Variants in SOX6 observed in about 807,000 individuals in gnomAD.
The protein encoded by SOX6 is transcription factor SOX-6.
In SOX6, 11 loss-of-function variants were observed where a neutral mutation model predicts 97.8. The observed-to-expected ratio is 0.11, with a 90% CI of 0.07 to 0.19. The LOEUF is 0.19. Ranked by LOEUF, SOX6 falls within the 10% of genes least tolerant of loss-of-function variation. The probability of loss-of-function intolerance (pLI) is 1.00; values close to 1 mark genes in which losing one functional copy is unlikely to be tolerated. For synonymous variants in SOX6, 360 were observed against 371.4 expected (o/e 0.97, Z 0.35); for missense variants, 810 against 1,039.5 (o/e 0.78, Z 3.04).
intron 9 of SOX6, among the ~76,000 whole-genome samples, chr11:16,086,387 C>T (rs539586832): frequency 2.0e-5 from 3 of 152,288 alleles, no homozygotes; most frequent in South Asian, 4.1e-4. Context: ...GTGCACTAAT[C>T]GCTTAAAGAG....
rs150253161 is a variant in SOX6, at chr11:16,404,518, T to A, written c.-4-63266A>T. On this transcript the variant is annotated intron_variant, in intron 1 of 15. Coordinates refer to the SOX6 transcript ENST00000396356. ...ACATGTTATCAATAGAAAGCCATTT[T>A]TTAAAAAAGCAAAACTAAACTAAAA... Among the ~76,000 whole-genome samples, 267 of 151,990 alleles carry A rather than the reference T, an allele frequency of 1.8e-3. 1 individual carries two copies. The highest frequency in any genetic ancestry group is 4.8e-3 in the African/African-American group (200 of 41,496).
chr11:15,984,318 G>A (rs1426246347), intron 15 of SOX6, among the ~76,000 whole-genome samples: 1 of 152,112 alleles, frequency 6.6e-6, no homozygotes, highest in Non-Finnish European at 1.5e-5. Context: ...TTTCAAATAA[G>A]TATTACACCA....
intron 2 of SOX6, among the ~76,000 whole-genome samples, chr11:16,325,418 T>A (rs2134314458): frequency 6.6e-6 from 1 of 152,260 alleles, no homozygotes; most frequent in Non-Finnish European, 1.5e-5. Context: ...TTCATTTCCT[T>A]TTTTGCTTAT....
At chr11:16,306,092 A>C (rs1855424252) in intron 3 of SOX6, among the ~76,000 whole-genome samples, 1 of 152,222 alleles carries the variant, frequency 6.6e-6, no homozygotes, top group African/African-American at 2.4e-5. Flanking sequence ...ACACACCCCC[A>C]CACACAACTG....
chr11:16,331,082 C>T (rs1460689266), intron 2 of SOX6, among the ~76,000 whole-genome samples: 1 of 152,180 alleles, frequency 6.6e-6, no homozygotes, highest in African/African-American at 2.4e-5. Context: ...TAGAGCTCCT[C>T]TTAAGAGGTA....
At chr11:16,675,979 C>T (rs987111738) in intron 3 of SOX6, among the ~76,000 whole-genome samples, 5 of 152,116 alleles carry the variant, frequency 3.3e-5, no homozygotes, top group Admixed American at 6.5e-5. Flanking sequence ...TGTCAAATTT[C>T]GAAAGTTTTA....
intron 6 of SOX6, among the ~76,000 whole-genome samples, chr11:16,170,134 A>C (rs1850995942): frequency 6.6e-6 from 1 of 152,070 alleles, no homozygotes; most frequent in African/African-American, 2.4e-5. Context: ...TTAAGCCCTC[A>C]TTTAACAGAG....
rs1853174104 is a variant in SOX6, at chr11:15,967,569, C to T, written c.*5240G>A. On this transcript the variant is annotated 3_prime_UTR_variant, in exon 16 of 16. Transcript: ENST00000683767. ...ATACAATAATGAATGAACATAAATG[C>T]TAAGCATTCTAATTTGCTACAAGCT... 1 of 152,088 alleles carries T rather than the reference C, an allele frequency of 6.6e-6. No homozygotes were observed. Among genetic ancestry groups the T allele is most frequent in the African/African-American group, 2.4e-5 (1 of 41,422 alleles). 9.4% of individuals were successfully genotyped at this position (152,088 alleles called of 1,614,324 possible). A position where few individuals can be genotyped will look rare whatever the true frequency, so the allele number is the denominator to read the frequency against.
intron 15 of SOX6, 131 bp from the exon 16 acceptor site, chr11:15,973,243 A>C: frequency 1.1e-6 from 1 of 903,828 alleles, no homozygotes; most frequent in Non-Finnish European, 1.7e-6. Flanking sequence ...ATTCTAAGCA[A>C]ATAAAATGTG....
At chr11:16,382,787 G>A (rs995950565) in intron 1 of SOX6, among the ~76,000 whole-genome samples, 3 of 151,912 alleles carry the variant, frequency 2.0e-5, no homozygotes, top group Non-Finnish European at 2.9e-5. Context: ...AGAGTTCAAT[G>A]TGGAATCATT....
intron 3 of SOX6, among the ~76,000 whole-genome samples, chr11:16,620,075 T>TAA (rs1848523020): frequency 6.6e-6 from 1 of 152,146 alleles, no homozygotes. Flanking sequence ...CAACATTTAG[T>TAA]CCTTGATATT....
chr11:16,387,306 T>C (rs969544383), intron 1 of SOX6, among the ~76,000 whole-genome samples: 1 of 152,118 alleles, frequency 6.6e-6, no homozygotes, highest in African/African-American at 2.4e-5. Context: ...TTACCAGATA[T>C]TGCATTGTGG....
At chr11:16,383,582 T>C (rs1259689830) in intron 1 of SOX6, among the ~76,000 whole-genome samples, 2 of 151,932 alleles carry the variant, frequency 1.3e-5, no homozygotes, top group Non-Finnish European at 2.9e-5. Flanking sequence ...AATAGATACA[T>C]GTAATGTTCT....
chr11:16,360,716 G>A (rs1857190883), upstream of SOX6, among the ~76,000 whole-genome samples: 1 of 152,086 alleles, frequency 6.6e-6, no homozygotes, highest in Non-Finnish European at 1.5e-5. Context: ...ATAGTAAGAA[G>A]TTTTTGGCCA....
At chr11:16,269,777 T>C (rs938109816) in intron 3 of SOX6, among the ~76,000 whole-genome samples, 3 of 151,294 alleles carry the variant, frequency 2.0e-5, no homozygotes, top group African/African-American at 4.8e-5. Context: ...CTATTAATTG[T>C]TGTATATTAA....
chr11:15,990,939 C>G (rs1281829971), intron 13 of SOX6, among the ~76,000 whole-genome samples: 1 of 152,078 alleles, frequency 6.6e-6, no homozygotes, highest in Non-Finnish European at 1.5e-5. Flanking sequence ...TTGTTTGTGT[C>G]AAAGCCAGTA....
intron 4 of SOX6, among the ~76,000 whole-genome samples, chr11:16,495,414 T>A (rs560513146): frequency 6.6e-6 from 1 of 152,274 alleles, no homozygotes; most frequent in South Asian, 2.1e-4. Context: ...CACCTGGCAG[T>A]GCTCTGCCCC....
rs527370507 is a variant in SOX6 at position 16,043,931 on chromosome 11, C to T, written c.1623+2583G>A. On this transcript the variant is annotated intron_variant, in intron 12 of 15. Transcript: ENST00000683767. ...GGGTACAAAAGCTCACACTCTCACC[C>T]CAACTTAGGACAATTCTGAATGGCC... Among the ~76,000 whole-genome samples, 180 of 152,266 alleles carry T rather than the reference C, an allele frequency of 1.2e-3. 1 individual carries two copies. The highest frequency in any genetic ancestry group is 2.4e-3 in the Non-Finnish European group (161 of 68,020).
At chr11:15,979,065 A>ATATATATATATATATATATATAT (rs59143054) in intron 15 of SOX6, among the ~76,000 whole-genome samples, 8 of 140,610 alleles carry the variant, frequency 5.7e-5, no homozygotes, top group African/African-American at 1.6e-4. Context: ...ATATATATAT[A>ATATATATATATATATATATATAT]AAACTGCTTA....
Sources: gnomAD v4.1 joint callset for allele counts (sites outside exome capture counted in the v4.1 genomes callset) on GRCh38, gnomAD v4.1.1 for gene constraint, MANE v1.5 for transcripts, NCBI Gene and HGNC (gene_info 2026-07-23, HGNC 2026-07-21) for gene names.